CECR2: variants seen among roughly 807,000 people sequenced by gnomAD.
CECR2 encodes chromatin remodeling regulator CECR2.
Under a neutral mutation model 154.5 loss-of-function variants are expected in CECR2, and 30 were observed. That is an observed-to-expected ratio of 0.19 (90% CI 0.15 to 0.26). The LOEUF (loss-of-function observed/expected upper bound fraction) is 0.26. CECR2 is among the 10% of genes least tolerant of loss of function. The pLI, the probability that CECR2 is intolerant of heterozygous loss-of-function variation, is 1.00. For missense variants in CECR2, 1,743 were observed against 1,829.3 expected, an observed-to-expected ratio of 0.95 and a Z score of 0.86; for synonymous variants, 725 against 683.7, an observed-to-expected ratio of 1.06 and a Z score of -0.94.
intron 1 of CECR2, among the ~76,000 whole-genome samples, chr22:17,468,861 G>T (rs1386795122): frequency 6.6e-6 from 1 of 152,172 alleles, no homozygotes; most frequent in East Asian, 1.9e-4. Flanking sequence ...GGGAAATTCA[G>T]TATCAGAGTG....
At chr22:17,486,411 C>T (rs1202908630) in intron 2 of CECR2, among the ~76,000 whole-genome samples, 4 of 152,184 alleles carry the variant, frequency 2.6e-5, no homozygotes, top group East Asian at 1.9e-4. Flanking sequence ...AGGAGGCCCC[C>T]GTGATGCTGT....
intron 1 of CECR2, among the ~76,000 whole-genome samples, chr22:17,438,435 G>C (rs888651540): frequency 1.3e-5 from 2 of 152,124 alleles, no homozygotes; most frequent in East Asian, 1.9e-4. Context: ...CCTTAGTACC[G>C]TGATTTGGTT....
intron 8 of CECR2, among the ~76,000 whole-genome samples, chr22:17,521,294 A>G (rs2056153272): frequency 6.6e-6 from 1 of 152,146 alleles, no homozygotes; most frequent in East Asian, 1.9e-4. Context: ...TAATCCCAGC[A>G]CTTTGGGAGG....
At chr22:17,458,126 C>T (rs1165412905) in intron 1 of CECR2, among the ~76,000 whole-genome samples, 1 of 151,876 alleles carries the variant, frequency 6.6e-6, no homozygotes, top group Non-Finnish European at 1.5e-5. Flanking sequence ...GATAAAACTG[C>T]GTAGAACTGG....
At chr22:17,477,247 G>A in intron 1 of CECR2, 1 of 660,632 alleles carries the variant, frequency 1.5e-6, no homozygotes, top group Non-Finnish European at 2.8e-6. Context: ...CAGCACATTT[G>A]TATTTATACT....
intron 8 of CECR2, among the ~76,000 whole-genome samples, chr22:17,513,661 T>G (rs553014049): frequency 2.6e-5 from 4 of 152,230 alleles, no homozygotes; most frequent in Admixed American, 2.6e-4. Flanking sequence ...CAGTCACTAA[T>G]TTCAGAGTGG....
At chr22:17,503,060 A>G (rs1477919180) in intron 5 of CECR2, 22 bp from the exon 6 acceptor site, 1 of 1,606,948 alleles carries the variant, frequency 6.2e-7, no homozygotes. Context: ...TTTAATTGGC[A>G]CCTCTTTTTC....
At chr22:17,422,958 G>A (rs1249398025) in intron 1 of CECR2, among the ~76,000 whole-genome samples, 1 of 152,046 alleles carries the variant, frequency 6.6e-6, no homozygotes, top group Non-Finnish European at 1.5e-5. Flanking sequence ...ATCAGAGTTG[G>A]TTTCAATTTC....
intron 2 of CECR2, among the ~76,000 whole-genome samples, chr22:17,495,575 A>AAC (rs1260609486): frequency 6.6e-6 from 1 of 150,716 alleles, no homozygotes; most frequent in Non-Finnish European, 1.5e-5. Flanking sequence ...ATTAAAAAAA[A>AAC]AAAAAAAACG....
At chr22:17,502,219 C>G (rs1215325238) in intron 5 of CECR2, among the ~76,000 whole-genome samples, 1 of 152,160 alleles carries the variant, frequency 6.6e-6, no homozygotes, top group Non-Finnish European at 1.5e-5. Flanking sequence ...AGTTAATTAA[C>G]TTTCCTGAGG....
intron 1 of CECR2, among the ~76,000 whole-genome samples, chr22:17,416,004 G>A (rs5992044): frequency 0.3 from 45,314 of 152,028 alleles, 6,771 homozygotes; most frequent in Middle Eastern, 0.37. Context: ...GGAAGAAACT[G>A]TTTTTAGGAT....
At chr22:17,440,014 C>T (rs1335263875) in intron 1 of CECR2, among the ~76,000 whole-genome samples, 4 of 151,180 alleles carry the variant, frequency 2.6e-5, no homozygotes, top group African/African-American at 9.8e-5. Context: ...AAAAGGCCTA[C>T]GCCCATACAT....
intron 9 of CECR2, among the ~76,000 whole-genome samples, chr22:17,532,486 C>T (rs186217562): frequency 1.9e-3 from 287 of 152,108 alleles, no homozygotes; most frequent in African/African-American, 6.6e-3. Flanking sequence ...GATGGGGAAA[C>T]ATTAGAAGTG....
intron 3 of CECR2, among the ~76,000 whole-genome samples, chr22:17,497,803 A>G (rs2055658547): frequency 6.6e-6 from 1 of 152,152 alleles, no homozygotes; most frequent in Non-Finnish European, 1.5e-5. Flanking sequence ...ATTTTGGTCT[A>G]ATTTCTAGTC....
At chr22:17,461,810 T>G (rs960525264) in intron 1 of CECR2, among the ~76,000 whole-genome samples, 1 of 150,262 alleles carries the variant, frequency 6.7e-6, no homozygotes, top group African/African-American at 2.5e-5. Flanking sequence ...TTTTTTTTTT[T>G]GAAATGGAGT....
chr22:17,545,406 G>A (rs174341), intron 16 of CECR2, among the ~76,000 whole-genome samples: 6,871 of 136,138 alleles, frequency 0.05, 199 homozygotes, highest in African/African-American at 0.067. Context: ...AAGAAATGCC[G>A]TTTAAGAGGA....
chr22:17,515,610 G>A (rs174295), intron 8 of CECR2, among the ~76,000 whole-genome samples: 20,632 of 152,012 alleles, frequency 0.14, 1,825 homozygotes, highest in Non-Finnish European at 0.2. Flanking sequence ...AGATTTAAGC[G>A]TGTGAACATG....
At chr22:17,449,147 G>A (rs548575473) in intron 1 of CECR2, among the ~76,000 whole-genome samples, 2 of 152,182 alleles carry the variant, frequency 1.3e-5, no homozygotes, top group Non-Finnish European at 2.9e-5. Flanking sequence ...CCAAAGTGCT[G>A]GAATTACAGG....
At position 17,415,713 on chromosome 22, in the gene CECR2, C is replaced by T. The variant is rs951816521; in HGVS notation, c.126+45804C>T. Among the ~76,000 whole-genome samples the T allele has an allele frequency of 4.6e-5, 7 of 152,110 alleles. No homozygotes were observed. The East Asian group carries it at 5.8e-4, about 13-fold the overall frequency. On this transcript the variant is annotated intron_variant, in intron 1 of 18. Coordinates refer to ENST00000262608, the MANE Select transcript of CECR2 (RefSeq NM_001290047.2). Reference sequence around the variant, plus strand: ...ACTTACTTTTGCCTTAGGCTATCTTCGTGAAATGGAAGGTTTGTGTTTTTA... The same window carrying T: ...ACTTACTTTTGCCTTAGGCTATCTTTGTGAAATGGAAGGTTTGTGTTTTTA...
Sources: allele counts gnomAD v4.1 joint callset (sites outside exome capture counted in the v4.1 genomes callset), GRCh38; gene constraint gnomAD v4.1.1; transcripts MANE v1.5; gene names NCBI Gene and HGNC (gene_info 2026-07-23, HGNC 2026-07-21).